KCNH7: variants seen among roughly 807,000 people sequenced by gnomAD.
KCNH7 encodes the protein voltage-gated inwardly rectifying potassium channel KCNH7.
Under a neutral mutation model 120.8 loss-of-function variants are expected in KCNH7, and 49 were observed. The ratio of observed to expected loss-of-function variants is 0.41; its 90% CI spans 0.32 to 0.51. The LOEUF is 0.51. KCNH7 is among the 20% of genes least tolerant of loss of function. The probability of loss-of-function intolerance (pLI) is 0.38; values close to 1 mark genes in which losing one functional copy is unlikely to be tolerated. For missense variants in KCNH7, 1,097 were observed against 1,446.6 expected, an observed-to-expected ratio of 0.76 and a Z score of 3.92; for synonymous variants, 547 against 516.1, an observed-to-expected ratio of 1.06 and a Z score of -0.81.
At chr2:162,816,395 C>G (rs1007398857) in intron 2 of KCNH7, among the ~76,000 whole-genome samples, 1 of 151,572 alleles carries the variant, frequency 6.6e-6, no homozygotes, top group Non-Finnish European at 1.5e-5. Flanking sequence ...AATTGACTTT[C>G]ATTAAAATGG....
intron 2 of KCNH7, among the ~76,000 whole-genome samples, chr2:162,745,143 T>C (rs1688271285): frequency 1.3e-5 from 2 of 152,184 alleles, no homozygotes; most frequent in Admixed American, 6.5e-5. Context: ...TCCTTGACTT[T>C]TTGTGAACTT....
chr2:162,787,818 C>A (rs1683767973), intron 2 of KCNH7, among the ~76,000 whole-genome samples: 1 of 152,134 alleles, frequency 6.6e-6, no homozygotes, highest in Admixed American at 6.5e-5. Context: ...CCAGGACCAC[C>A]CACAATGACC....
intron 2 of KCNH7, among the ~76,000 whole-genome samples, chr2:162,689,297 T>C (rs1253859494): frequency 2.6e-5 from 4 of 151,962 alleles, no homozygotes; most frequent in Non-Finnish European, 5.9e-5. Context: ...ATTACAGGCA[T>C]CCACCACCAT....
intron 6 of KCNH7, among the ~76,000 whole-genome samples, chr2:162,451,009 C>A (rs1379084419): frequency 6.6e-6 from 1 of 151,944 alleles, no homozygotes; most frequent in African/African-American, 2.4e-5. Flanking sequence ...TTATTAGACC[C>A]AATCAGGTAA....
At chr2:162,771,003 T>G (rs1406543963) in intron 2 of KCNH7, among the ~76,000 whole-genome samples, 4 of 152,136 alleles carry the variant, frequency 2.6e-5, no homozygotes, top group African/African-American at 7.2e-5. Context: ...ATGGTTATGT[T>G]TTATGCCTCT....
chr2:162,439,611 T>C (rs1409687845), intron 7 of KCNH7, among the ~76,000 whole-genome samples: 1 of 152,130 alleles, frequency 6.6e-6, no homozygotes, highest in Non-Finnish European at 1.5e-5. Flanking sequence ...TTATTTTTAA[T>C]GTATCTTGTC....
At chr2:162,474,580 T>C (rs1689668752) in intron 6 of KCNH7, among the ~76,000 whole-genome samples, 1 of 152,210 alleles carries the variant, frequency 6.6e-6, no homozygotes. Flanking sequence ...TTCATATGGA[T>C]ACAATATAGC....
chr2:162,725,755 A>G lies in KCNH7; in HGVS notation c.307+110782T>C, dbSNP rs1687491055. 3.3e-5 allele frequency among the ~76,000 whole-genome samples: 5 copies of G among 152,166 alleles called. No homozygotes were observed. In the South Asian group the frequency reaches 1.0e-3, roughly 32 times the overall value. On this transcript the variant is annotated intron_variant, in intron 2 of 15. Transcript: ENST00000332142. Reference sequence around the variant, plus strand: ...ACTTTTTTGTTGTGGAAAATTTTGAATCTATTCACAATAAGAGAAAATAGA... The same window carrying G: ...ACTTTTTTGTTGTGGAAAATTTTGAGTCTATTCACAATAAGAGAAAATAGA...
At chr2:162,623,834 G>C (rs1199375852) in intron 2 of KCNH7, among the ~76,000 whole-genome samples, 1 of 152,162 alleles carries the variant, frequency 6.6e-6, no homozygotes, top group Non-Finnish European at 1.5e-5. Context: ...AATAATTTGA[G>C]GAGTGTTTGA....
At chr2:162,663,660 G>T (rs766481560) in intron 2 of KCNH7, among the ~76,000 whole-genome samples, 8 of 152,068 alleles carry the variant, frequency 5.3e-5, no homozygotes, top group Non-Finnish European at 5.9e-5. Context: ...CCTGTGTAGG[G>T]AAAAGCATTC....
At chr2:162,435,983 C>CT (rs1439755500) in intron 7 of KCNH7, among the ~76,000 whole-genome samples, 2 of 152,024 alleles carry the variant, frequency 1.3e-5, no homozygotes, top group Admixed American at 1.3e-4. Flanking sequence ...GGTTACTTTC[C>CT]TAATAGAGAC....
rs758316902 is a variant in KCNH7, at chr2:162,435,407, G to A, written c.1745C>T (p.Thr582Ile). Residue 582 changes from threonine (T) to isoleucine (I), a missense_variant, in exon 8 of 16, where the codon ACT (threonine) becomes ATT (isoleucine). Around this residue, in one of 8 missense-constraint regions of KCNH7, gnomAD observed 36 missense variants for 46.8 expected, o/e 0.77. Transcript: ENST00000332142. The stretch of plus-strand genomic sequence containing the variant: ...GGAATCCAACCATCCGATTTTGTCA[G>A]TCAGGTAAGGCCTTTCTACATTCCC... ...AIGNVERPYL[T>I]DKIGWLDSLG... 2 of 1,613,818 alleles carry A rather than the reference G, an allele frequency of 1.2e-6. No individual in the cohort carries two copies. The highest frequency in any genetic ancestry group is 2.2e-5 in the South Asian group (2 of 91,070).
chr2:162,648,099 G>A (rs1836524), intron 2 of KCNH7, among the ~76,000 whole-genome samples: 1 of 152,102 alleles, frequency 6.6e-6, no homozygotes, highest in Non-Finnish European at 1.5e-5. Flanking sequence ...TAACACTGTA[G>A]TAGTCCATTC....
intron 9 of KCNH7, among the ~76,000 whole-genome samples, chr2:162,411,837 C>T (rs931141648): frequency 6.6e-6 from 1 of 151,408 alleles, no homozygotes; most frequent in Non-Finnish European, 1.5e-5. Context: ...ATCAAAAACA[C>T]CCCAATAAGT....
chr2:162,516,685 C>T (rs1574053307), intron 4 of KCNH7, among the ~76,000 whole-genome samples: 1 of 151,674 alleles, frequency 6.6e-6, no homozygotes, highest in African/African-American at 2.4e-5. Context: ...GTACCCATGC[C>T]AGGAACTTTG....
At chr2:162,484,327 G>A (rs1381092405) in intron 6 of KCNH7, among the ~76,000 whole-genome samples, 1 of 152,058 alleles carries the variant, frequency 6.6e-6, no homozygotes, top group Admixed American at 6.6e-5. Flanking sequence ...GTTGAATCTG[G>A]GGAAGTGTAC....
At chr2:162,736,250 T>C (rs1687906370) in intron 2 of KCNH7, among the ~76,000 whole-genome samples, 1 of 152,174 alleles carries the variant, frequency 6.6e-6, no homozygotes, top group African/African-American at 2.4e-5. Context: ...GCTTTTTGAA[T>C]AGAATGGAAT....
chr2:162,523,481 T>G (rs1375462248), intron 3 of KCNH7, among the ~76,000 whole-genome samples: 1 of 151,860 alleles, frequency 6.6e-6, no homozygotes, highest in Non-Finnish European at 1.5e-5. Context: ...AAAATTGGCT[T>G]TACTAAACTT....
chr2:162,801,472 A>G (rs1684348739), intron 2 of KCNH7, among the ~76,000 whole-genome samples: 1 of 151,698 alleles, frequency 6.6e-6, no homozygotes, highest in Admixed American at 6.6e-5. Flanking sequence ...TTCTTGAAGC[A>G]CCATTTTTTT....
Sources: allele counts gnomAD v4.1 joint callset (sites outside exome capture counted in the v4.1 genomes callset), GRCh38; gene constraint gnomAD v4.1.1; regional missense constraint gnomAD v4.1.1; transcripts MANE v1.5; gene names NCBI Gene and HGNC (gene_info 2026-07-23, HGNC 2026-07-21).